Variants in HDAC6 observed in about 807,000 individuals in gnomAD.
HDAC6 encodes the protein histone deacetylase 6.
HDAC6 carries 5 observed loss-of-function variants against 88.9 expected under a neutral mutation model. That is an observed-to-expected ratio of 0.06 (90% confidence interval 0.03 to 0.12). The LOEUF (loss-of-function observed/expected upper bound fraction) is 0.12, where lower values mean the gene tolerates loss of function less well. HDAC6 is among the 10% of genes least tolerant of loss of function. The probability of loss-of-function intolerance (pLI) is 1.00; values close to 1 mark genes in which losing one functional copy is unlikely to be tolerated. For missense variants in HDAC6, 706 were observed against 1,014.4 expected, an observed-to-expected ratio of 0.70 and a Z score of 4.13; for synonymous variants, 378 against 398.0, an observed-to-expected ratio of 0.95 and a Z score of 0.60.
chrX:48,815,365 T>G lies in HDAC6; in HGVS notation c.1150-19T>G. 8.8e-7 allele frequency: 1 copy of G among 1,130,176 alleles called. No individual in the cohort carries two copies. The highest frequency in any genetic ancestry group is 2.4e-4 in the Middle Eastern group (1 of 4,215). The allele number at this position is 1,130,176 out of a possible 1,213,427, so 93.1% of individuals were successfully genotyped here. On this transcript the variant is annotated intron_variant, in intron 14 of 28. Transcript: ENST00000334136. ...TGTCTGGTCCTTTCCTGATCCCCCT[T>G]CACAACTCCTTGCCCCAGGGTGGCT...
chrX:48,812,647 C>T lies in HDAC6; in HGVS notation c.807-1793C>T, dbSNP rs782519094. 4.5e-5 allele frequency among the ~76,000 whole-genome samples: 5 copies of T among 112,266 alleles called. No individual in the cohort carries two copies. In the South Asian group the frequency reaches 1.8e-3, roughly 41 times the overall value. Reference sequence around the variant, plus strand: ...TTCTCTGACATCCTTTCCACTCTCTCTTTCTGGGTTGCTGTTTGTTTACAA... The same window carrying T: ...TTCTCTGACATCCTTTCCACTCTCTTTTTCTGGGTTGCTGTTTGTTTACAA... On this transcript the variant is annotated intron_variant, in intron 10 of 28. Transcript: ENST00000334136.
intron 4 of HDAC6, among the ~76,000 whole-genome samples, chrX:48,803,980 C>T (rs1057081341): frequency 5.4e-5 from 6 of 111,693 alleles, no homozygotes; most frequent in African/African-American, 2.0e-4. Flanking sequence ...CTGACCAACG[C>T]GATGAAACAC....
At chrX:48,819,216 G>A (rs1472249242) in intron 22 of HDAC6, among the ~76,000 whole-genome samples, 1 of 112,283 alleles carries the variant, frequency 8.9e-6, no homozygotes, top group Non-Finnish European at 1.9e-5. Context: ...TGTGCAGGAT[G>A]GCTGTGGGTT....
rs200111431 is a variant in HDAC6, at chrX:48,823,146, G to A, written c.2747G>A (p.Gly916Glu). Residue 916 changes from glycine (G) to glutamate (E), a missense_variant, in exon 25 of 29, where the codon GGG (glycine) becomes GAG (glutamate). Around this residue, in one of 9 missense-constraint regions of HDAC6, gnomAD observed 89 missense variants for 90.9 expected, o/e 0.98. Transcript: ENST00000334136. ...TQDQPSEAAT[G>E]GATLAQTISE... ...GACCAGCCCTCAGAGGCAGCCACAGGGGGAGCCACTCTGGCCCAGACCATT... is the reference window on the plus strand; with the variant it reads ...GACCAGCCCTCAGAGGCAGCCACAGAGGGAGCCACTCTGGCCCAGACCATT... The A allele has an allele frequency of 1.7e-6, 2 of 1,206,792 alleles. No homozygotes were observed. The highest frequency in any genetic ancestry group is 3.0e-5 in the East Asian group (1 of 33,695).
At chrX:48,807,135 C>T (rs1453791420) in intron 8 of HDAC6, among the ~76,000 whole-genome samples, 1 of 112,283 alleles carries the variant, frequency 8.9e-6, no homozygotes, top group Non-Finnish European at 1.9e-5. Context: ...CAAAAGCTTT[C>T]TCCTCCCTCC....
Position 48,823,378 on chromosome X carries a change from C to A in HDAC6, c.2979C>A (p.Thr993=), listed in dbSNP as rs781907567. 1 of 1,208,265 alleles carries A rather than the reference C, an allele frequency of 8.3e-7. No homozygotes were observed. The highest frequency in any genetic ancestry group is 1.1e-6 in the Non-Finnish European group (1 of 893,772). Residue 993 remains threonine, a synonymous_variant, in exon 25 of 29, where the codon ACC becomes ACA. Transcript: ENST00000334136. ...EAVGGATLAQ[T]TSEAAMEGAT... ...TAGGAGGAGCTACACTGGCCCAGAC[C>A]ACCTCGGAGGCAGCCATGGAGGGAG... is the stretch of plus-strand genomic sequence containing the variant.
Position 48,823,351 on chromosome X carries a change from T to G in HDAC6, c.2952T>G (p.Ala984=), listed in dbSNP as rs782457576. 8.3e-7 allele frequency: 1 copy of G among 1,203,854 alleles called. No individual in the cohort carries two copies. Among genetic ancestry groups the G allele is most frequent in the South Asian group, 1.8e-5 (1 of 55,663 alleles). Residue 984 remains alanine, a synonymous_variant, in exon 25 of 29, where the codon GCT becomes GCG. Coordinates refer to ENST00000334136, the MANE Select transcript of HDAC6 (RefSeq NM_006044.4). ...TGGGCCAGACTACCTCAGAGGAGGCTGTAGGAGGAGCTACACTGGCCCAGA... is the reference window on the plus strand; with the variant it reads ...TGGGCCAGACTACCTCAGAGGAGGCGGTAGGAGGAGCTACACTGGCCCAGA... ...ATLGQTTSEE[A]VGGATLAQTT...
chrX:48,814,419 C>T (rs1335760711), intron 10 of HDAC6, 21 bp from the exon 11 acceptor site: 1 of 1,207,664 alleles, frequency 8.3e-7, no homozygotes, highest in Non-Finnish European at 1.1e-6. Flanking sequence ...ACTCTCTTAC[C>T]TCTTTTTCTT....
At chrX:48,801,579 G>C (rs782111501), upstream of HDAC6, 4 of 214,417 alleles carry the variant, frequency 1.9e-5, no homozygotes, top group Non-Finnish European at 3.4e-5. Context: ...GCAAGAAAAA[G>C]CTTGCACCGC....
chrX:48,817,453 C>A lies in HDAC6; in HGVS notation c.1919C>A (p.Ala640Asp). 1 of 1,207,417 alleles carries A rather than the reference C, an allele frequency of 8.3e-7. No homozygotes were observed. The change falls in exon 20 of 29, where the codon GCC becomes GAC. Residue 640 changes from alanine to aspartate, a missense_variant. Physicochemically the swap from Ala to Asp is moderately radical, Grantham distance 126. This residue lies in a region of HDAC6 where 138 missense variants were observed against 303.5 expected (regional missense o/e 0.45). Transcript: ENST00000334136. ...ARHAQTISGH[A>D]LRILIVDWDV... ...CATGCCCAGACTATCAGTGGGCATG[C>A]CCTACGGTAAGGACTCCCTGGGGAC...
rs782174981 is a variant in HDAC6 at position 48,824,247 on chromosome X, G to A, written c.3532G>A (p.Asp1178Asn). 6.6e-6 allele frequency: 8 copies of A among 1,210,948 alleles called. No homozygotes were observed. The highest frequency in any genetic ancestry group is 3.5e-5 in the African/African-American group (2 of 57,575). Residue 1178 changes from aspartate (D) to asparagine (N), a missense_variant, in exon 28 of 29, where the codon GAC (aspartate) becomes AAC (asparagine). Physicochemically the swap from Asp to Asn is conservative, Grantham distance 23 (BLOSUM62 1). Coordinates refer to ENST00000334136, the MANE Select transcript of HDAC6 (RefSeq NM_006044.4). ...SGHPLVLSYI[D>N]LSAWCYYCQA... is the part of the protein sequence containing the mutation. ...ACACCCGCTGGTCCTCAGCTACATCGACCTGTCAGCCTGGTGTTACTACTG... is the reference window on the plus strand; with the variant it reads ...ACACCCGCTGGTCCTCAGCTACATCAACCTGTCAGCCTGGTGTTACTACTG...
At chrX:48,801,966 C>T (rs1490767382), upstream of HDAC6, 1 of 965,439 alleles carries the variant, frequency 1.0e-6, no homozygotes, top group Admixed American at 3.1e-5. Flanking sequence ...GCGTCGACGG[C>T]GGAGGCGGGA....
Position 48,815,419 on chromosome X carries a change from C to T in HDAC6, c.1185C>T (p.Val395=). Residue 395 remains valine (V), a synonymous_variant, in exon 15 of 29, where the codon GTC becomes GTT. Transcript: ENST00000334136. The stretch of plus-strand genomic sequence containing the variant: ...ACCTCCGCGCCCTGGCTGAAGGCGT[C>T]AGTGCTTCGCTCCACACCCTTCTGG... The part of the protein sequence containing the change: ...GYNLRALAEG[V]SASLHTLLGD... 1 of 1,206,980 alleles carries T rather than the reference C, an allele frequency of 8.3e-7. No individual in the cohort carries two copies. Among genetic ancestry groups the T allele is most frequent in the Non-Finnish European group, 1.1e-6 (1 of 892,895 alleles).
At chrX:48,819,560 TTG>T in intron 22 of HDAC6, 3 of 128,018 alleles carry the variant, frequency 2.3e-5, no homozygotes, top group Non-Finnish European at 3.1e-5. Flanking sequence ...TTTTTTTTTT[TTG>T]AAATGGAGTC....
Position 48,817,450 on chromosome X carries a change from A to G in HDAC6, c.1916A>G (p.His639Arg). 2 of 1,208,622 alleles carry G rather than the reference A, an allele frequency of 1.7e-6. No individual in the cohort carries two copies. The highest frequency in any genetic ancestry group is 2.2e-6 in the Non-Finnish European group (2 of 894,441). ...CGCCATGCCCAGACTATCAGTGGGC[A>G]TGCCCTACGGTAAGGACTCCCTGGG... ...AARHAQTISG[H>R]ALRILIVDWD... is the part of the protein sequence containing the mutation. Residue 639 changes from histidine (H) to arginine (R), a missense_variant, in exon 20 of 29, where the codon CAT (histidine) becomes CGT (arginine). Physicochemically the swap from His to Arg is conservative, Grantham distance 29. This residue lies in a region of HDAC6 where 138 missense variants were observed against 303.5 expected (regional missense o/e 0.45). Transcript: ENST00000334136.
intron 19 of HDAC6, 112 bp downstream of exon 19, chrX:48,816,745 CA>C: frequency 5.3e-6 from 2 of 374,768 alleles, no homozygotes; most frequent in Non-Finnish European, 8.0e-6. Context: ...GGAAAGGGGC[CA>C]TGGGGAGGGG....
In HDAC6 at chrX:48,814,991, C is replaced by T. The variant is rs943020305; in HGVS notation, c.1089C>T (p.Phe363=). The T allele has an allele frequency of 2.5e-6, 3 of 1,208,713 alleles. No individual in the cohort carries two copies. Among genetic ancestry groups the T allele is most frequent in the East Asian group, 3.0e-5 (1 of 33,737 alleles). ...KGEMAATPAG[F]AQLTHLLMGL... Reference sequence around the variant, plus strand: ...AGATGGCCGCCACTCCGGCAGGGTTCGCCCAGCTAACCCACCTGCTCATGG... The same window carrying T: ...AGATGGCCGCCACTCCGGCAGGGTTTGCCCAGCTAACCCACCTGCTCATGG... The change falls in exon 14 of 29, where the codon TTC becomes TTT. Residue 363 remains phenylalanine (F), a synonymous_variant. Transcript: ENST00000334136.
At chrX:48,811,463 G>A (rs1240625917) in intron 10 of HDAC6, among the ~76,000 whole-genome samples, 1 of 112,250 alleles carries the variant, frequency 8.9e-6, no homozygotes, top group Non-Finnish European at 1.9e-5. Context: ...AAGAATGAAG[G>A]CCCATTGTAG....
chrX:48,824,695 G>T lies in HDAC6; in HGVS notation c.*83G>T. 8.6e-7 allele frequency: 1 copy of T among 1,165,220 alleles called. No individual in the cohort carries two copies. Among genetic ancestry groups the T allele is most frequent in the Non-Finnish European group, 1.2e-6 (1 of 869,445 alleles). ...CATTCCAGCCTGTACCTTGGATGAG[G>T]GGTAGCCTCCCACTGCATCCCATCC... On this transcript the variant is annotated 3_prime_UTR_variant, in exon 29 of 29. Transcript: ENST00000334136.
Sources: allele counts gnomAD v4.1 joint callset (sites outside exome capture counted in the v4.1 genomes callset), GRCh38; gene constraint gnomAD v4.1.1; regional missense constraint gnomAD v4.1.1; transcripts MANE v1.5; gene names NCBI Gene and HGNC (gene_info 2026-07-23, HGNC 2026-07-21).